Variants in MYO5A observed in about 807,000 individuals in gnomAD.
MYO5A encodes unconventional myosin-Va.
A neutral mutation model predicts 249.7 loss-of-function variants in MYO5A; 98 were observed. The ratio of observed to expected loss-of-function variants is 0.39; its 90% CI spans 0.33 to 0.46. The LOEUF (loss-of-function observed/expected upper bound fraction) is 0.46, where lower values mean the gene tolerates loss of function less well. Among genes scored for constraint, MYO5A ranks in the 20% least tolerant of loss-of-function variants. MYO5A has a pLI of 0.98. For synonymous variants in MYO5A, 778 were observed against 810.6 expected, an observed-to-expected ratio of 0.96 and a Z score of 0.68; for missense variants, 1,696 against 2,308.8, an observed-to-expected ratio of 0.73 and a Z score of 5.44.
chr15:52,519,930 C>T (rs1249910867), intron 1 of MYO5A, among the ~76,000 whole-genome samples: 4 of 152,042 alleles, frequency 2.6e-5, no homozygotes, highest in East Asian at 1.9e-4. Context: ...AGGGTTTCAC[C>T]GTGTTAGCCA....
At chr15:52,320,583 G>A (rs1194902751) in intron 38 of MYO5A, among the ~76,000 whole-genome samples, 1 of 152,138 alleles carries the variant, frequency 6.6e-6, no homozygotes, top group Admixed American at 6.5e-5. Context: ...AGCTTTTGAT[G>A]TCTCAAATAG....
rs180848471 is a variant in MYO5A, at chr15:52,438,006, G to A, written c.28-4721C>T. The A allele has an allele frequency of 1.7e-5, 17 of 982,448 alleles. No individual in the cohort carries two copies. In the East Asian group the frequency reaches 1.0e-3, roughly 59 times the overall value. 60.9% of individuals were successfully genotyped at this position (982,448 alleles called of 1,614,324 possible). On this transcript the variant is annotated intron_variant, in intron 1 of 41. Transcript: ENST00000399233. ...GAGGAAAGCATCCAAGGAGAAATAG[G>A]TCAGAAACCATTCTATTATTACCAT...
At chr15:52,366,427 C>T (rs973334403) in intron 23 of MYO5A, among the ~76,000 whole-genome samples, 2 of 151,826 alleles carry the variant, frequency 1.3e-5, no homozygotes, top group South Asian at 2.1e-4. Flanking sequence ...ATTTCCACCA[C>T]TAATTACTGT....
In MYO5A at chr15:52,375,453, T is replaced by C. The variant is rs771438988; in HGVS notation, c.2428A>G (p.Lys810Glu). The C allele has an allele frequency of 6.2e-7, 1 of 1,614,140 alleles. No individual in the cohort carries two copies. The highest frequency in any genetic ancestry group is 1.7e-5 in the Admixed American group (1 of 60,028). Residue 810 changes from lysine to glutamate, a missense_variant, in exon 20 of 42, where the codon AAG (lysine) becomes GAG (glutamate). Lys to Glu is a moderately conservative substitution (Grantham distance 56). Transcript: ENST00000399233. ...GCTGCCTTGGTTCTGCGCAGAAACTTAGCATAGCTGGCCAAAGAAAATAAC... is the reference window on the plus strand; with the variant it reads ...GCTGCCTTGGTTCTGCGCAGAAACTCAGCATAGCTGGCCAAAGAAAATAAC... Reference protein sequence around the residue: ...VRGYQARCYAKFLRRTKAATI... With the variant: ...VRGYQARCYAEFLRRTKAATI...
chr15:52,348,071 G>T (rs1052396784), intron 29 of MYO5A, among the ~76,000 whole-genome samples: 1 of 152,176 alleles, frequency 6.6e-6, no homozygotes. Flanking sequence ...GAGAAGAAAG[G>T]CTTCTTAGTA....
intron 1 of MYO5A, among the ~76,000 whole-genome samples, chr15:52,524,884 T>TAA (rs34875609): frequency 5.1e-5 from 7 of 138,184 alleles, no homozygotes; most frequent in African/African-American, 1.8e-4. Context: ...AATAAAAAAT[T>TAA]AAAAAAAAAA....
chr15:52,480,591 A>C (rs1451150573), intron 1 of MYO5A, among the ~76,000 whole-genome samples: 1 of 152,180 alleles, frequency 6.6e-6, no homozygotes, highest in Non-Finnish European at 1.5e-5. Context: ...GGATCTGAAA[A>C]AAGTTGCACA....
At chr15:52,382,179 G>A (rs1041283324) in intron 16 of MYO5A, among the ~76,000 whole-genome samples, 1 of 152,190 alleles carries the variant, frequency 6.6e-6, no homozygotes, top group Non-Finnish European at 1.5e-5. Flanking sequence ...TGGGATTACA[G>A]GTGTGAGCCA....
In MYO5A at chr15:52,351,137, C is replaced by T. The variant is rs192012449; in HGVS notation, c.3849+117G>A. ...GATTTTTTTAAAAAAATAATGAATC[C>T]TCAATTAGATTAAAAATGCTCTTAA... On this transcript the variant is annotated intron_variant, in intron 28 of 41. Coordinates refer to ENST00000399233, the MANE Select transcript of MYO5A (RefSeq NM_001382347.1). 1.6e-4 allele frequency: 130 copies of T among 834,344 alleles called. No homozygotes were observed. In the Middle Eastern group the frequency reaches 3.0e-3, roughly 19 times the overall value. 51.7% of individuals were successfully genotyped at this position (834,344 alleles called of 1,614,324 possible).
intron 1 of MYO5A, among the ~76,000 whole-genome samples, chr15:52,497,628 G>A (rs2141566259): frequency 6.6e-6 from 1 of 150,812 alleles, no homozygotes; most frequent in Non-Finnish European, 1.5e-5. Flanking sequence ...GTGGCAGTGT[G>A]CACCTGTAGT....
intron 1 of MYO5A, 127 bp from the exon 2 acceptor site, chr15:52,433,412 A>ATTT: frequency 5.2e-5 from 19 of 362,100 alleles, no homozygotes; most frequent in South Asian, 1.2e-4. Flanking sequence ...CATGAAATTC[A>ATTT]CTTTTTTTTT....
intron 9 of MYO5A, among the ~76,000 whole-genome samples, chr15:52,401,165 G>C (rs1368848644): frequency 1.3e-5 from 2 of 149,482 alleles, no homozygotes; most frequent in Admixed American, 6.7e-5. Flanking sequence ...CCACCACCCA[G>C]GTTCAAGCAC....
chr15:52,426,900 T>C (rs2075407363), intron 3 of MYO5A, among the ~76,000 whole-genome samples: 2 of 152,062 alleles, frequency 1.3e-5, no homozygotes, highest in Admixed American at 1.3e-4. Flanking sequence ...CAAAAAATAA[T>C]GCAGGGAAGA....
At chr15:52,476,099 G>T (rs977881567) in intron 1 of MYO5A, among the ~76,000 whole-genome samples, 5 of 152,148 alleles carry the variant, frequency 3.3e-5, no homozygotes, top group African/African-American at 1.2e-4. Flanking sequence ...ATATATTTAG[G>T]ATAGTTAGCT....
intron 1 of MYO5A, among the ~76,000 whole-genome samples, chr15:52,513,748 A>G (rs2077443353): frequency 6.6e-6 from 1 of 152,160 alleles, no homozygotes; most frequent in Admixed American, 6.5e-5. Flanking sequence ...AGTTAATTCT[A>G]TAGCCAATAA....
At chr15:52,396,953 G>T (rs2042515589) in intron 10 of MYO5A, among the ~76,000 whole-genome samples, 1 of 152,176 alleles carries the variant, frequency 6.6e-6, no homozygotes, top group African/African-American at 2.4e-5. Context: ...ATGAGCATCT[G>T]AAAACCAATT....
At chr15:52,345,524 G>T (rs1286184925) in intron 30 of MYO5A, among the ~76,000 whole-genome samples, 1 of 151,246 alleles carries the variant, frequency 6.6e-6, no homozygotes, top group Non-Finnish European at 1.5e-5. Flanking sequence ...GGCGGAGGTT[G>T]CAGTGAGCTG....
chr15:52,316,960 C>T, intron 40 of MYO5A, 88 bp downstream of exon 40: 1 of 1,390,324 alleles, frequency 7.2e-7, no homozygotes, highest in South Asian at 1.2e-5. Flanking sequence ...CTCAGAGATA[C>T]AAGCAATAAG....
intron 1 of MYO5A, among the ~76,000 whole-genome samples, chr15:52,473,795 C>A (rs548838096): frequency 1.3e-5 from 2 of 152,214 alleles, no homozygotes; most frequent in East Asian, 1.9e-4. Context: ...GTTACTGTAG[C>A]CTTGTAGTAT....
Sources: gnomAD v4.1 joint callset for allele counts (sites outside exome capture counted in the v4.1 genomes callset) on GRCh38, gnomAD v4.1.1 for gene constraint, MANE v1.5 for transcripts, NCBI Gene and HGNC (gene_info 2026-07-23, HGNC 2026-07-21) for gene names.